COQ3: variants seen among roughly 807,000 people sequenced by gnomAD.
COQ3 encodes ubiquinone biosynthesis O-methyltransferase, mitochondrial.
A neutral mutation model predicts 33.1 loss-of-function variants in COQ3; 29 were observed. That is an observed-to-expected ratio of 0.88 (90% CI 0.65 to 1.19). COQ3 has a LOEUF of 1.19. COQ3 is among the 50% of genes most tolerant of loss of function. The pLI, the probability that COQ3 is intolerant of heterozygous loss-of-function variation, is 0.00. For synonymous variants in COQ3, 173 were observed against 157.8 expected (o/e 1.10, Z -0.72); for missense variants, 437 against 430.7 (o/e 1.01, Z -0.13).
intron 3 of COQ3, among the ~76,000 whole-genome samples, chr6:99,378,625 C>T (rs922693600): frequency 6.6e-6 from 1 of 152,044 alleles, no homozygotes; most frequent in Non-Finnish European, 1.5e-5. Context: ...GCAGTAGGTC[C>T]CTGATGAGAC....
intron 2 of COQ3, among the ~76,000 whole-genome samples, chr6:99,381,289 A>G (rs79447637): frequency 0.013 from 2,034 of 152,224 alleles, 23 homozygotes; most frequent in Middle Eastern, 0.024. Context: ...TACAAATTTG[A>G]TTGTTATTTT....
At chr6:99,378,159 TAG>T (rs10542899) in intron 3 of COQ3, among the ~76,000 whole-genome samples, 1,199 of 42,636 alleles carry the variant, frequency 0.028, 78 homozygotes, top group Non-Finnish European at 0.03. Context: ...TATATATATT[TAG>T]AGAGAGAGAG....
At position 99,383,736 on chromosome 6, in the gene COQ3, C is replaced by T; in HGVS notation, c.195G>A (p.Arg65=). The T allele has an allele frequency of 6.2e-7, 1 of 1,605,434 alleles. No individual in the cohort carries two copies. ...TTCTGTTCAAACAGGAAAAGATCGTCCTGTAGGATTTGAACCATATGGTTC... is the reference window on the plus strand; with the variant it reads ...TTCTGTTCAAACAGGAAAAGATCGTTCTGTAGGATTTGAACCATATGGTTC... The part of the protein sequence containing the change: ...EYRTIWFKSY[R]TIFSCLNRIK... The change falls in exon 2 of 7, where the codon AGG becomes AGA. Residue 65 remains arginine (R), a synonymous_variant. Transcript: ENST00000254759.
At chr6:99,391,098 T>TTGATTG (rs1554209267) in intron 1 of COQ3, among the ~76,000 whole-genome samples, 16,508 of 133,724 alleles carry the variant, frequency 0.12, 1,094 homozygotes, top group Admixed American at 0.19. Context: ...TTTATTTATT[T>TTGATTG]ATTTATTTAT....
chr6:99,376,903 C>G (rs142834957), intron 4 of COQ3, among the ~76,000 whole-genome samples: 1 of 150,612 alleles, frequency 6.6e-6, no homozygotes, highest in African/African-American at 2.4e-5. Flanking sequence ...TTGGAGGTTG[C>G]AGTGAGCTGA....
chr6:99,390,328 G>A (rs1774787451), intron 1 of COQ3, among the ~76,000 whole-genome samples: 1 of 120,376 alleles, frequency 8.3e-6, no homozygotes, highest in African/African-American at 3.1e-5. Flanking sequence ...CCCATACAAT[G>A]TTAAACTTTT....
chr6:99,380,622 A>T (rs185631372), intron 2 of COQ3, among the ~76,000 whole-genome samples: 1 of 152,236 alleles, frequency 6.6e-6, no homozygotes, highest in Non-Finnish European at 1.5e-5. Flanking sequence ...TAATAACAAT[A>T]ACAATACTAA....
intron 1 of COQ3, among the ~76,000 whole-genome samples, chr6:99,391,779 G>A (rs933080912): frequency 4.6e-5 from 7 of 152,132 alleles, no homozygotes; most frequent in South Asian, 2.1e-4. Flanking sequence ...TGGGCGGCCT[G>A]CTTGAGCCCA....
Position 99,383,716 on chromosome 6 carries a change from T to C in COQ3, c.215A>G (p.Asn72Ser), listed in dbSNP as rs1024648718. The change falls in exon 2 of 7, where the codon AAC becomes AGC. Residue 72 changes from asparagine to serine, a missense_variant. Asn to Ser is a conservative substitution (Grantham distance 46, BLOSUM62 1). Coordinates refer to ENST00000254759, the MANE Select transcript of COQ3 (RefSeq NM_017421.4). ...AACCCACCTGAAACTCTTTATTCTG[T>C]TCAAACAGGAAAAGATCGTCCTGTA... ...KSYRTIFSCL[N>S]RIKSFRYPWA... 2 of 1,594,836 alleles carry C rather than the reference T, an allele frequency of 1.3e-6. No homozygotes were observed. Among genetic ancestry groups the C allele is most frequent in the African/African-American group, 2.7e-5 (2 of 73,746 alleles).
chr6:99,369,968 T>C, intron 6 of COQ3, 148 bp from the exon 7 acceptor site: 1 of 611,998 alleles, frequency 1.6e-6, no homozygotes, highest in Non-Finnish European at 2.8e-6. Context: ...CCTAACTTAA[T>C]GGGCAAGCGT....
intron 6 of COQ3, among the ~76,000 whole-genome samples, chr6:99,370,672 C>T (rs1218892105): frequency 2.0e-5 from 3 of 151,870 alleles, no homozygotes. Flanking sequence ...AACAAAGTTA[C>T]TCATAGAAAT....
chr6:99,389,500 A>G (rs996141321), intron 1 of COQ3, among the ~76,000 whole-genome samples: 4 of 152,180 alleles, frequency 2.6e-5, no homozygotes, highest in African/African-American at 7.2e-5. Flanking sequence ...AAAAAGTACA[A>G]AAGGGTACAG....
Position 99,375,978 on chromosome 6 carries a change from G to T in COQ3, c.691C>A (p.Leu231Ile), listed in dbSNP as rs770554438. The part of the protein sequence containing the change: ...ASEVVEHVID[L>I]ETFLQCCCQV... ...CAGCAGCACTGTAAAAATGTTTCTA[G>T]ATCAATCACATGTTCTACAACTTCA... Residue 231 changes from leucine (L) to isoleucine (I), a missense_variant, in exon 5 of 7, where the codon CTA becomes ATA. Coordinates refer to ENST00000254759, the MANE Select transcript of COQ3 (RefSeq NM_017421.4). 2.9e-5 allele frequency: 47 copies of T among 1,613,948 alleles called. No individual in the cohort carries two copies. In the Middle Eastern group the frequency reaches 4.9e-4, roughly 17 times the overall value.
intron 1 of COQ3, among the ~76,000 whole-genome samples, chr6:99,393,836 C>G (rs977323247): frequency 6.6e-6 from 1 of 152,212 alleles, no homozygotes; most frequent in Non-Finnish European, 1.5e-5. Flanking sequence ...CACAAGAGAC[C>G]CGCGGCCTGC....
chr6:99,391,278 T>G (rs1199051273), intron 1 of COQ3, among the ~76,000 whole-genome samples: 2 of 151,690 alleles, frequency 1.3e-5, no homozygotes, highest in Non-Finnish European at 2.9e-5. Flanking sequence ...TTTGTATTTT[T>G]TTTTTTGTAG....
intron 1 of COQ3, among the ~76,000 whole-genome samples, chr6:99,385,136 C>G (rs901723456): frequency 1.3e-5 from 2 of 152,082 alleles, no homozygotes; most frequent in Non-Finnish European, 2.9e-5. Flanking sequence ...ATACCAACAA[C>G]AGAATTTCAA....
chr6:99,377,601 T>A, intron 3 of COQ3, 116 bp from the exon 4 acceptor site: 2 of 584,716 alleles, frequency 3.4e-6, no homozygotes, highest in Non-Finnish European at 2.8e-6. Flanking sequence ...ATTATTCATT[T>A]TTTTTATAAA....
chr6:99,378,371 G>C (rs7745563), intron 3 of COQ3, among the ~76,000 whole-genome samples: 122,615 of 151,630 alleles, frequency 0.81, 49,859 homozygotes, highest in South Asian at 0.92. Context: ...TCGATCCATT[G>C]TTTAAACCAC....
Position 99,376,180 on chromosome 6 carries a change from A to G in COQ3, c.489T>C (p.Pro163=), listed in dbSNP as rs144139678. Residue 163 remains proline (P), a splice_region_variant and synonymous_variant, in exon 5 of 7, where the codon CCT becomes CCC. Coordinates refer to ENST00000254759, the MANE Select transcript of COQ3 (RefSeq NM_017421.4). ...TAACTGAAGCCCCAAGCCGCCCTAG[A>G]GGCTAATGGCATTAAAAAAACTGTT... is the stretch of plus-strand genomic sequence containing the variant. ...VGCGGGLLTE[P]LGRLGASVIG... 575 of 1,612,396 alleles carry G rather than the reference A, an allele frequency of 3.6e-4. 1 individual carries two copies. The highest frequency in any genetic ancestry group is 4.7e-4 in the Non-Finnish European group (549 of 1,179,316).
Sources: allele counts gnomAD v4.1 joint callset (sites outside exome capture counted in the v4.1 genomes callset), GRCh38; gene constraint gnomAD v4.1.1; transcripts MANE v1.5; gene names NCBI Gene and HGNC (gene_info 2026-07-23, HGNC 2026-07-21).